ATRNL1: variants seen among roughly 807,000 people sequenced by gnomAD.
The protein encoded by ATRNL1 is attractin-like protein 1.
A neutral mutation model predicts 182.7 loss-of-function variants in ATRNL1; 95 were observed. The observed-to-expected ratio is 0.52, with a 90% CI of 0.44 to 0.62. ATRNL1 has a LOEUF of 0.62. Ranked by LOEUF, ATRNL1 falls within the 20% of genes least tolerant of loss-of-function variation. The pLI is 0.00. For missense variants in ATRNL1, 1,471 were observed against 1,679.5 expected, an observed-to-expected ratio of 0.88 and a Z score of 2.17; for synonymous variants, 576 against 568.3, an observed-to-expected ratio of 1.01 and a Z score of -0.19.
chr10:115,151,044 C>T (rs1846202652), intron 5 of ATRNL1, among the ~76,000 whole-genome samples: 1 of 152,214 alleles, frequency 6.6e-6, no homozygotes, highest in South Asian at 2.1e-4. Flanking sequence ...CTACAAAGGA[C>T]ATGAACTCAT....
chr10:115,908,593 C>G (rs1358332278), intron 28 of ATRNL1, among the ~76,000 whole-genome samples: 1 of 152,188 alleles, frequency 6.6e-6, no homozygotes, highest in Non-Finnish European at 1.5e-5. Context: ...TGTAAAGTCC[C>G]TGTTGCCATG....
At chr10:115,651,412 G>C (rs182822630) in intron 26 of ATRNL1, among the ~76,000 whole-genome samples, 59 of 152,188 alleles carry the variant, frequency 3.9e-4, no homozygotes, top group African/African-American at 1.1e-3. Context: ...ATCAAAAAGA[G>C]GAAATTAGTC....
At chr10:115,107,420 C>G (rs1301508498) in intron 1 of ATRNL1, among the ~76,000 whole-genome samples, 7 of 152,204 alleles carry the variant, frequency 4.6e-5, no homozygotes, top group African/African-American at 1.7e-4. Context: ...TCTTTTTTGA[C>G]TTTATGTTTC....
chr10:115,548,382 A>G (rs1435453873), intron 25 of ATRNL1, among the ~76,000 whole-genome samples: 1 of 152,196 alleles, frequency 6.6e-6, no homozygotes, highest in Non-Finnish European at 1.5e-5. Context: ...AAGACTTGAC[A>G]AGAGTGGAAA....
At chr10:115,836,294 T>C (rs1950670204) in intron 27 of ATRNL1, among the ~76,000 whole-genome samples, 1 of 152,156 alleles carries the variant, frequency 6.6e-6, no homozygotes. Flanking sequence ...AGTTACCGTA[T>C]TATACTTATG....
chr10:115,323,998 C>T (rs1854734437), intron 18 of ATRNL1, among the ~76,000 whole-genome samples: 1 of 144,442 alleles, frequency 6.9e-6, no homozygotes, highest in Admixed American at 7.0e-5. Context: ...AGGATGGTCT[C>T]GATCTCCTGA....
intron 28 of ATRNL1, among the ~76,000 whole-genome samples, chr10:115,940,621 A>G (rs1555123977): frequency 6.6e-6 from 1 of 152,056 alleles, no homozygotes; most frequent in African/African-American, 2.4e-5. Context: ...CAGTTAAGAA[A>G]ATTAGATTCC....
At chr10:115,187,172 TAA>T (rs1327809622) in intron 8 of ATRNL1, among the ~76,000 whole-genome samples, 4 of 147,742 alleles carry the variant, frequency 2.7e-5, no homozygotes, top group African/African-American at 1.0e-4. Context: ...TTTCTGGGAA[TAA>T]TTTTTTTTTT....
intron 26 of ATRNL1, among the ~76,000 whole-genome samples, chr10:115,563,185 C>T (rs1555000304): frequency 6.6e-6 from 1 of 152,068 alleles, no homozygotes; most frequent in East Asian, 1.9e-4. Context: ...CCTGTTAAAG[C>T]AACAGTGTAA....
intron 26 of ATRNL1, among the ~76,000 whole-genome samples, chr10:115,563,402 C>A (rs1399135828): frequency 1.3e-5 from 2 of 152,140 alleles, no homozygotes; most frequent in African/African-American, 4.8e-5. Flanking sequence ...TTTGCACATC[C>A]GTGCTGAGCA....
intron 21 of ATRNL1, among the ~76,000 whole-genome samples, chr10:115,441,029 G>A (rs1392556939): frequency 6.6e-6 from 1 of 151,402 alleles, no homozygotes; most frequent in Admixed American, 6.6e-5. Flanking sequence ...AAACTTTTTT[G>A]CACCTATACT....
At chr10:115,828,680 C>G (rs1341506135) in intron 27 of ATRNL1, among the ~76,000 whole-genome samples, 1 of 152,018 alleles carries the variant, frequency 6.6e-6, no homozygotes, top group African/African-American at 2.4e-5. Flanking sequence ...TTATATTTAC[C>G]TCCCTAAATT....
At chr10:115,635,442 C>A (rs186256774) in intron 26 of ATRNL1, among the ~76,000 whole-genome samples, 2 of 152,024 alleles carry the variant, frequency 1.3e-5, no homozygotes, top group East Asian at 1.9e-4. Context: ...AATGAGATAC[C>A]ATTACACATC....
chr10:115,944,619 T>C (rs781826860), intron 28 of ATRNL1, 39 bp from the exon 29 acceptor site: 1 of 1,569,272 alleles, frequency 6.4e-7, no homozygotes, highest in Non-Finnish European at 8.7e-7. Flanking sequence ...CCCAGAAATG[T>C]CTAAGCAAGC....
intron 26 of ATRNL1, among the ~76,000 whole-genome samples, chr10:115,670,976 C>A (rs1945679684): frequency 6.6e-6 from 1 of 152,098 alleles, no homozygotes; most frequent in Non-Finnish European, 1.5e-5. Context: ...TACCTTTATC[C>A]TGCTGAAGAG....
intron 26 of ATRNL1, among the ~76,000 whole-genome samples, chr10:115,581,031 G>A (rs1204023864): frequency 1.3e-5 from 2 of 152,012 alleles, no homozygotes; most frequent in East Asian, 3.9e-4. Context: ...TTTCACTAAG[G>A]CTGGTTTCTG....
chr10:115,830,728 G>A (rs1367715366), intron 27 of ATRNL1, among the ~76,000 whole-genome samples: 2 of 152,154 alleles, frequency 1.3e-5, no homozygotes, highest in Non-Finnish European at 2.9e-5. Context: ...TATTGAAGAA[G>A]CTGTCACAAT....
At chr10:115,246,141 T>C (rs1238661191) in intron 10 of ATRNL1, among the ~76,000 whole-genome samples, 2 of 152,200 alleles carry the variant, frequency 1.3e-5, no homozygotes, top group African/African-American at 4.8e-5. Context: ...ACATGATTTA[T>C]AATATAATTA....
chr10:115,337,229 T>G (rs1038323965), intron 19 of ATRNL1, among the ~76,000 whole-genome samples: 2 of 152,128 alleles, frequency 1.3e-5, no homozygotes, highest in African/African-American at 4.8e-5. Flanking sequence ...GGTGTATATA[T>G]TTATGGGGTA....
Sources: gnomAD v4.1 joint callset for allele counts (sites outside exome capture counted in the v4.1 genomes callset) on GRCh38, gnomAD v4.1.1 for gene constraint, MANE v1.5 for transcripts, NCBI Gene and HGNC (gene_info 2026-07-23, HGNC 2026-07-21) for gene names.